Variants in PKHD1L1 observed in about 807,000 individuals in gnomAD.
PKHD1L1 encodes PKHD1 like 1.
A neutral mutation model predicts 462.9 loss-of-function variants in PKHD1L1; 434 were observed. The observed-to-expected ratio is 0.94, with a 90% CI of 0.87 to 1.02. The LOEUF is 1.02. PKHD1L1 is among the 50% of genes least tolerant of loss of function. PKHD1L1 has a pLI of 0.00. For synonymous variants in PKHD1L1, 1,781 were observed against 1,750.0 expected (o/e 1.02, Z -0.44); for missense variants, 5,202 against 5,096.1 (o/e 1.02, Z -0.63).
intron 63 of PKHD1L1, among the ~76,000 whole-genome samples, chr8:109,495,663 A>G (rs1425493342): frequency 6.6e-6 from 1 of 152,144 alleles, no homozygotes; most frequent in Non-Finnish European, 1.5e-5. Context: ...AATAATAATA[A>G]TTTTAATAAT....
intron 71 of PKHD1L1, among the ~76,000 whole-genome samples, chr8:109,514,828 A>G (rs1440046453): frequency 2.0e-5 from 3 of 152,044 alleles, no homozygotes; most frequent in Non-Finnish European, 2.9e-5. Flanking sequence ...CATTATACAG[A>G]GTATAGCTAA....
At position 109,531,754 on chromosome 8, in the gene PKHD1L1, G is replaced by T. The variant is rs1427364558; in HGVS notation, c.*1664G>T. ...CCCCTTCATGAGGAACATTTGCCAT[G>T]TCCAGAGAGCATTGATACTTCATTG... On this transcript the variant is annotated 3_prime_UTR_variant, in exon 78 of 78. Transcript: ENST00000378402. 6.6e-6 allele frequency among the ~76,000 whole-genome samples: 1 copy of T among 152,166 alleles called. No homozygotes were observed. Among genetic ancestry groups the T allele is most frequent in the African/African-American group, 2.4e-5 (1 of 41,438 alleles).
At chr8:109,403,214 A>T (rs1813363603) in intron 14 of PKHD1L1, among the ~76,000 whole-genome samples, 1 of 152,196 alleles carries the variant, frequency 6.6e-6, no homozygotes, top group Non-Finnish European at 1.5e-5. Flanking sequence ...TCTGAAATTG[A>T]GGCCACTCTA....
At chr8:109,438,859 G>T in intron 31 of PKHD1L1, 38 bp from the exon 32 acceptor site, 1 of 1,437,644 alleles carries the variant, frequency 7.0e-7, no homozygotes, top group South Asian at 1.3e-5. Context: ...ATAACAAGTT[G>T]AACTTTTTGC....
Position 109,532,222 on chromosome 8 carries a change from A to G in PKHD1L1, c.*2132A>G, listed in dbSNP as rs540828336. On this transcript the variant is annotated 3_prime_UTR_variant, in exon 78 of 78. Transcript: ENST00000378402. ...TTATATGGCAGTAAAAGGAATTTCT[A>G]AAAATTGCTTCTTAGCCACACAGAC... 1.3e-3 allele frequency among the ~76,000 whole-genome samples: 137 copies of G among 108,662 alleles called. 1 individual carries two copies. The highest frequency in any genetic ancestry group is 4.2e-3 in the African/African-American group (134 of 31,960). The allele number at this position is 108,662 out of a possible 152,430, so 71.3% of individuals were successfully genotyped here.
Position 109,465,157 on chromosome 8 carries a change from T to C in PKHD1L1, c.8325T>C (p.Val2775=). Residue 2775 remains valine (V), a synonymous_variant, in exon 49 of 78, where the codon GTT becomes GTC. Coordinates refer to ENST00000378402, the MANE Select transcript of PKHD1L1 (RefSeq NM_177531.6). ...DRCGGWSAKF[V]DVQYSHTPNK... ...GTGGGGGTTGGAGTGCAAAGTTTGT[T>C]GACGTCCAGTATTCTCACACACCGA... 3 of 1,613,786 alleles carry C rather than the reference T, an allele frequency of 1.9e-6. No homozygotes were observed. The highest frequency in any genetic ancestry group is 2.5e-6 in the Non-Finnish European group (3 of 1,179,776).
rs1476655403 is a variant in PKHD1L1 at position 109,480,668 on chromosome 8, C to G, written c.9327+529C>G. ...TAATCAGCTCGATTGTCCTGTCAGTCTTGTAATATTGTTCATGAAAAAGAA... is the reference window on the plus strand; with the variant it reads ...TAATCAGCTCGATTGTCCTGTCAGTGTTGTAATATTGTTCATGAAAAAGAA... On this transcript the variant is annotated intron_variant, in intron 55 of 77. Coordinates refer to ENST00000378402, the MANE Select transcript of PKHD1L1 (RefSeq NM_177531.6). The G allele has an allele frequency of 1.1e-5, 5 of 446,536 alleles. No homozygotes were observed. The Admixed American group carries it at 1.2e-4, about 11-fold the overall frequency. The allele number at this position is 446,536 out of a possible 1,614,324, so 27.7% of individuals were successfully genotyped here.
At chr8:109,444,298 C>T (rs1457367369) in intron 37 of PKHD1L1, among the ~76,000 whole-genome samples, 1 of 152,160 alleles carries the variant, frequency 6.6e-6, no homozygotes, top group East Asian at 1.9e-4. Context: ...TTTCACTCAA[C>T]ATAATGTTTT....
chr8:109,404,809 G>T lies in PKHD1L1; in HGVS notation c.1533+96G>T, dbSNP rs186793935. The T allele has an allele frequency of 3.1e-6, 4 of 1,275,042 alleles. No individual in the cohort carries two copies. In the Admixed American group the frequency reaches 1.2e-4, roughly 38 times the overall value. The allele number at this position is 1,275,042 out of a possible 1,614,324, so 79.0% of individuals were successfully genotyped here. A position where few individuals can be genotyped will look rare whatever the true frequency, so the allele number is the denominator to read the frequency against. ...TTTTACTAGGTAAGATACTGTTTTA[G>T]GTGAAAGCAGTCATGGACAATTATT... On this transcript the variant is annotated intron_variant, in intron 15 of 77. Coordinates refer to ENST00000378402, the MANE Select transcript of PKHD1L1 (RefSeq NM_177531.6).
intron 23 of PKHD1L1, 70 bp downstream of exon 23, chr8:109,420,760 T>C: frequency 5.2e-6 from 6 of 1,160,680 alleles, no homozygotes; most frequent in South Asian, 2.1e-5. Context: ...ATAACCAACA[T>C]ACAGATGGAA....
rs1814334666 is a variant in PKHD1L1, at chr8:109,419,140, A to G, written c.2404A>G (p.Lys802Glu). 5.6e-6 allele frequency: 9 copies of G among 1,613,704 alleles called. No individual in the cohort carries two copies. The highest frequency in any genetic ancestry group is 6.8e-6 in the Non-Finnish European group (8 of 1,179,674). Residue 802 changes from lysine to glutamate, a missense_variant, in exon 22 of 78, where the codon AAA becomes GAA. By Grantham distance (56) the Lys-to-Glu change is moderately conservative (BLOSUM62 1). This residue lies in a region of PKHD1L1 where 4,497 missense variants were observed against 4,336.8 expected (regional missense o/e 1.04). Coordinates refer to ENST00000378402, the MANE Select transcript of PKHD1L1 (RefSeq NM_177531.6). ...CIDLLDLVRT[K>E]YTGTNVSLQR... ...AGACCTTCTGGATCTCGTAAGAACG[A>G]AATACACTGGGACAAATGTTTCTCT... is the stretch of plus-strand genomic sequence containing the variant.
chr8:109,525,555 T>C (rs1820774588), intron 76 of PKHD1L1, among the ~76,000 whole-genome samples: 1 of 152,160 alleles, frequency 6.6e-6, no homozygotes, highest in Non-Finnish European at 1.5e-5. Context: ...GATGGCTTGA[T>C]TGAGGTCATA....
chr8:109,524,509 C>T (rs1426762054), intron 76 of PKHD1L1, among the ~76,000 whole-genome samples: 2 of 152,158 alleles, frequency 1.3e-5, no homozygotes, highest in East Asian at 1.9e-4. Context: ...CTCACCTCCT[C>T]ATGAGGGTGG....
intron 71 of PKHD1L1, among the ~76,000 whole-genome samples, chr8:109,512,220 T>C (rs1445834711): frequency 6.6e-6 from 1 of 151,536 alleles, no homozygotes; most frequent in Non-Finnish European, 1.5e-5. Context: ...TTTGTCAATT[T>C]TGGCTTTTGT....
intron 62 of PKHD1L1, 95 bp downstream of exon 62, chr8:109,492,089 CT>C: frequency 3.0e-6 from 3 of 1,000,204 alleles, no homozygotes; most frequent in South Asian, 6.5e-5. Context: ...AGTGAATGCA[CT>C]TTTAAAAAGA....
chr8:109,496,969 T>G lies in PKHD1L1; in HGVS notation c.10378T>G (p.Leu3460Val). The change falls in exon 64 of 78, where the codon TTA (leucine) becomes GTA (valine). Residue 3460 changes from leucine to valine, a missense_variant. Physicochemically the swap from Leu to Val is conservative, Grantham distance 32 (BLOSUM62 1). Around this residue, in one of 3 missense-constraint regions of PKHD1L1, gnomAD observed 4,497 missense variants for 4,336.8 expected, o/e 1.04. Transcript: ENST00000378402. ...KWFDNEAHGG[L>V]YGIYMNQDGL... ...GTTTGACAATGAAGCCCATGGAGGTTTATATGGGATCTATATGAACCAAGA... is the reference window on the plus strand; with the variant it reads ...GTTTGACAATGAAGCCCATGGAGGTGTATATGGGATCTATATGAACCAAGA... 6.2e-7 allele frequency: 1 copy of G among 1,613,418 alleles called. No homozygotes were observed. The highest frequency in any genetic ancestry group is 8.5e-7 in the Non-Finnish European group (1 of 1,179,384).
At chr8:109,485,198 T>C (rs765197323) in intron 58 of PKHD1L1, 25 bp downstream of exon 58, 35 of 1,500,824 alleles carry the variant, frequency 2.3e-5, no homozygotes, top group Non-Finnish European at 3.1e-5. Flanking sequence ...TTTAACCAAA[T>C]AGATATATAA....
At position 109,404,625 on chromosome 8, in the gene PKHD1L1, G is replaced by A. The variant is rs868099005; in HGVS notation, c.1445G>A (p.Arg482Gln). 1.7e-5 allele frequency: 27 copies of A among 1,607,408 alleles called. No homozygotes were observed. The highest frequency in any genetic ancestry group is 2.7e-5 in the African/African-American group (2 of 74,630). Residue 482 changes from arginine (R) to glutamine (Q), a missense_variant, in exon 15 of 78, where the codon CGA (arginine) becomes CAA (glutamine). Physicochemically the swap from Arg to Gln is conservative, Grantham distance 43 (BLOSUM62 1). This residue lies in a region of PKHD1L1 where 4,497 missense variants were observed against 4,336.8 expected (regional missense o/e 1.04). Coordinates refer to ENST00000378402, the MANE Select transcript of PKHD1L1 (RefSeq NM_177531.6). ...GTTGATGTTGGACTGTACCAGTATC[G>A]AAATGTTTATACTGAACAACAAACA... Reference protein sequence around the residue: ...AFVDVGLYQYRNVYTEQQTGD... With the variant: ...AFVDVGLYQYQNVYTEQQTGD...
At chr8:109,370,286 T>G (rs2130330931) in intron 2 of PKHD1L1, among the ~76,000 whole-genome samples, 1 of 152,086 alleles carries the variant, frequency 6.6e-6, no homozygotes, top group South Asian at 2.1e-4. Context: ...TGGCTATTTT[T>G]TATATTTTTA....
Sources: gnomAD v4.1 joint callset for allele counts (sites outside exome capture counted in the v4.1 genomes callset) on GRCh38, gnomAD v4.1.1 for gene constraint, gnomAD v4.1.1 regional missense constraint, MANE v1.5 for transcripts, NCBI Gene and HGNC (gene_info 2026-07-23, HGNC 2026-07-21) for gene names.